KCNAB1: variants seen among roughly 807,000 people sequenced by gnomAD.
KCNAB1 encodes the protein potassium voltage-gated channel subfamily A regulatory beta subunit 1.
In KCNAB1, 35 loss-of-function variants were observed where a neutral mutation model predicts 64.6. The ratio of observed to expected loss-of-function variants is 0.54; its 90% CI spans 0.41 to 0.72. The LOEUF (loss-of-function observed/expected upper bound fraction) is 0.72, where lower values mean the gene tolerates loss of function less well. Ranked by LOEUF, KCNAB1 falls within the 30% of genes least tolerant of loss-of-function variation. The pLI is 0.00. For missense variants in KCNAB1, 401 were observed against 512.9 expected (o/e 0.78, Z 2.11); for synonymous variants, 177 against 183.8 (o/e 0.96, Z 0.30).
intron 1 of KCNAB1, among the ~76,000 whole-genome samples, chr3:156,139,716 A>G (rs1439309792): frequency 2.6e-5 from 4 of 151,724 alleles, no homozygotes; most frequent in Non-Finnish European, 4.4e-5. Context: ...TATGAGAGAA[A>G]AGGTAGCTAT....
chr3:156,178,566 T>C (rs7621586), intron 1 of KCNAB1, among the ~76,000 whole-genome samples: 88,758 of 152,098 alleles, frequency 0.58, 26,734 homozygotes, highest in East Asian at 0.9. Context: ...ATTAAGAGTC[T>C]ATTGGATTGG....
intron 1 of KCNAB1, chr3:156,291,737 T>A (rs1254055301): frequency 6.9e-7 from 1 of 1,451,776 alleles, no homozygotes; most frequent in Non-Finnish European, 9.1e-7. Context: ...CTTGTGCCAC[T>A]TTGTGGGCTT....
chr3:156,380,738 T>G (rs1357978981), intron 1 of KCNAB1, among the ~76,000 whole-genome samples: 1 of 152,214 alleles, frequency 6.6e-6, no homozygotes, highest in Non-Finnish European at 1.5e-5. Context: ...TTTTTCTTCC[T>G]TCCTCCCTGA....
intron 8 of KCNAB1, among the ~76,000 whole-genome samples, chr3:156,503,918 A>C (rs13059608): frequency 0.25 from 38,452 of 152,118 alleles, 5,145 homozygotes; most frequent in South Asian, 0.35. Context: ...AAACATTCAA[A>C]ATACTCTATT....
intron 1 of KCNAB1, among the ~76,000 whole-genome samples, chr3:156,375,239 T>A (rs1711569664): frequency 7.4e-6 from 1 of 135,834 alleles, no homozygotes; most frequent in South Asian, 2.2e-4. Flanking sequence ...GAACGTAGAA[T>A]GCAGTTTTCT....
intron 10 of KCNAB1, 125 bp downstream of exon 10, chr3:156,515,345 A>C (rs1280514635): frequency 1.2e-6 from 1 of 823,148 alleles, no homozygotes; most frequent in African/African-American, 1.7e-5. Context: ...TAGACATTGT[A>C]AGAACCATGC....
chr3:156,217,303 C>T (rs947971441), intron 1 of KCNAB1, among the ~76,000 whole-genome samples: 1 of 152,142 alleles, frequency 6.6e-6, no homozygotes, highest in African/African-American at 2.4e-5. Context: ...ATTACTTTGG[C>T]CTCTCTTTTC....
chr3:156,188,506 T>C (rs1024963982), intron 1 of KCNAB1, among the ~76,000 whole-genome samples: 1 of 152,170 alleles, frequency 6.6e-6, no homozygotes, highest in African/African-American at 2.4e-5. Flanking sequence ...AAATGCATGC[T>C]CATGTAAATA....
intron 1 of KCNAB1, among the ~76,000 whole-genome samples, chr3:156,400,110 A>C (rs1046155249): frequency 6.6e-6 from 1 of 152,072 alleles, no homozygotes; most frequent in Admixed American, 6.5e-5. Flanking sequence ...ATTTGTTTTC[A>C]ACACTTCCTA....
intron 1 of KCNAB1, among the ~76,000 whole-genome samples, chr3:156,245,017 G>T (rs1717371586): frequency 6.6e-6 from 1 of 152,164 alleles, no homozygotes; most frequent in Non-Finnish European, 1.5e-5. Context: ...AAGCTCTAGG[G>T]ATTTCACTGT....
At chr3:156,175,106 G>A (rs1577672855) in intron 1 of KCNAB1, among the ~76,000 whole-genome samples, 1 of 152,096 alleles carries the variant, frequency 6.6e-6, no homozygotes, top group Non-Finnish European at 1.5e-5. Flanking sequence ...TACCCCTCTG[G>A]ACTGTCATCA....
chr3:156,325,644 G>A (rs1722925908), intron 1 of KCNAB1, among the ~76,000 whole-genome samples: 1 of 151,720 alleles, frequency 6.6e-6, no homozygotes, highest in African/African-American at 2.4e-5. Flanking sequence ...TCTGAGATAT[G>A]TATTGCCAAA....
At chr3:156,320,660 T>A (rs1038851280) in intron 1 of KCNAB1, among the ~76,000 whole-genome samples, 8 of 152,184 alleles carry the variant, frequency 5.3e-5, no homozygotes, top group African/African-American at 1.9e-4. Flanking sequence ...ACCAGGAATG[T>A]TGCTGAAATA....
rs1719101513 is a variant in KCNAB1 at position 156,537,029 on chromosome 3, CA to C, written c.*283del. ...TATGCAATGGGAAGAATATGGGGGC[CA>C]GGGGGTGTGGTACTACCTTCAGGCA... On this transcript the variant is annotated 3_prime_UTR_variant, in exon 14 of 14. Coordinates refer to ENST00000490337, the MANE Select transcript of KCNAB1 (RefSeq NM_172160.3). The C allele has an allele frequency of 1.3e-5, 6 of 469,526 alleles. No homozygotes were observed. The highest frequency in any genetic ancestry group is 1.0e-4 in the South Asian group (2 of 19,316). The allele number at this position is 469,526 out of a possible 1,614,324, so 29.1% of individuals were successfully genotyped here.
intron 1 of KCNAB1, among the ~76,000 whole-genome samples, chr3:156,234,867 C>T (rs992689727): frequency 9.2e-5 from 14 of 152,118 alleles, no homozygotes; most frequent in African/African-American, 3.4e-4. Context: ...CAACGTATAC[C>T]AGAGTTTGCT....
At chr3:156,228,124 C>G (rs1471937234) in intron 1 of KCNAB1, among the ~76,000 whole-genome samples, 1 of 152,086 alleles carries the variant, frequency 6.6e-6, no homozygotes, top group Non-Finnish European at 1.5e-5. Flanking sequence ...CAATTCCATT[C>G]CTCTGTTCAT....
Position 156,421,480 on chromosome 3 carries a change from A to T in KCNAB1, c.276-136A>T, listed in dbSNP as rs991283925. The T allele has an allele frequency of 2.5e-5, 20 of 790,576 alleles. No homozygotes were observed. The East Asian group carries it at 4.3e-4, about 17-fold the overall frequency. 49.0% of individuals were successfully genotyped at this position (790,576 alleles called of 1,614,324 possible). On this transcript the variant is annotated intron_variant, in intron 1 of 13. Coordinates refer to ENST00000490337, the MANE Select transcript of KCNAB1 (RefSeq NM_172160.3). Reference sequence around the variant, plus strand: ...TGCAAGGGAGACCTGTCTCAAGACAATATGCCGGCATCTGTGGTTCTGCCT... The same window carrying T: ...TGCAAGGGAGACCTGTCTCAAGACATTATGCCGGCATCTGTGGTTCTGCCT...
At chr3:156,205,142 G>T (rs1714577568) in intron 1 of KCNAB1, among the ~76,000 whole-genome samples, 1 of 151,972 alleles carries the variant, frequency 6.6e-6, no homozygotes, top group Admixed American at 6.5e-5. Flanking sequence ...GGGATTCTTA[G>T]AAAGAACATT....
At chr3:156,435,913 T>C (rs1229099705) in intron 2 of KCNAB1, among the ~76,000 whole-genome samples, 1 of 152,212 alleles carries the variant, frequency 6.6e-6, no homozygotes, top group Non-Finnish European at 1.5e-5. Context: ...TCTATGTCTA[T>C]CTTTTTATTT....
Sources: allele counts gnomAD v4.1 joint callset (sites outside exome capture counted in the v4.1 genomes callset), GRCh38; gene constraint gnomAD v4.1.1; transcripts MANE v1.5; gene names NCBI Gene and HGNC (gene_info 2026-07-23, HGNC 2026-07-21).